The following ATXN1 variants were observed in gnomAD, a reference collection of about 807,000 sequenced individuals.
ATXN1 encodes the protein ataxin-1.
Under a neutral mutation model 56.4 loss-of-function variants are expected in ATXN1, and 8 were observed. The observed-to-expected ratio is 0.14, with a 90% CI of 0.08 to 0.26. The LOEUF (loss-of-function observed/expected upper bound fraction) is 0.26. Ranked by LOEUF, ATXN1 falls within the 10% of genes least tolerant of loss-of-function variation. The pLI is 1.00. For synonymous variants in ATXN1, 514 were observed against 494.6 expected, an observed-to-expected ratio of 1.04 and a Z score of -0.52; for missense variants, 987 against 1,106.5, an observed-to-expected ratio of 0.89 and a Z score of 1.53.
intron 2 of ATXN1, among the ~76,000 whole-genome samples, chr6:16,662,097 A>G (rs1349305883): frequency 1.3e-5 from 2 of 152,176 alleles, no homozygotes; most frequent in Non-Finnish European, 1.5e-5. Flanking sequence ...GGAGAAACTG[A>G]GCCCCAAAGA....
At chr6:16,322,358 G>A (rs1224637882) in intron 7 of ATXN1, among the ~76,000 whole-genome samples, 2 of 152,124 alleles carry the variant, frequency 1.3e-5, no homozygotes, top group Non-Finnish European at 2.9e-5. Flanking sequence ...GCACCCCTGG[G>A]TCTGTCACCA....
At chr6:16,323,947 T>C (rs1760744505) in intron 7 of ATXN1, among the ~76,000 whole-genome samples, 1 of 152,140 alleles carries the variant, frequency 6.6e-6, no homozygotes, top group Non-Finnish European at 1.5e-5. Flanking sequence ...TTTTTTTAAA[T>C]AAGATCTTTG....
At chr6:16,737,136 C>A (rs927744213) in intron 2 of ATXN1, 1 of 152,170 alleles carries the variant, frequency 6.6e-6, no homozygotes, top group Non-Finnish European at 1.5e-5. Flanking sequence ...ATTTAAATAT[C>A]GTGAAATATT....
chr6:16,348,097 G>A (rs537167141), intron 6 of ATXN1, among the ~76,000 whole-genome samples: 8 of 152,282 alleles, frequency 5.3e-5, no homozygotes, highest in East Asian at 1.9e-4. Context: ...AAGTCAGTGA[G>A]ACCAAGAACG....
In ATXN1 at chr6:16,326,493, G is replaced by A. The variant is rs137924776; in HGVS notation, c.1818C>T (p.Asn606=). ...CGGTGCTGGAGTCGATCTTCAGGTCGTTGCTTATCTCTGCACTCTGGATGA... is the reference window on the plus strand; with the variant it reads ...CGGTGCTGGAGTCGATCTTCAGGTCATTGCTTATCTCTGCACTCTGGATGA... ...EDFIQSAEIS[N]DLKIDSSTVE... The change falls in exon 7 of 8, where the codon AAC becomes AAT. Residue 606 remains asparagine (N), a synonymous_variant. Transcript: ENST00000436367. The surrounding 1 kb of genome is among the most constrained non-coding windows in gnomAD (Gnocchi z 6.6). The A allele has an allele frequency of 4.4e-5, 71 of 1,614,148 alleles. No individual in the cohort carries two copies. Among genetic ancestry groups the A allele is most frequent in the Admixed American group, 1.3e-4 (8 of 60,018 alleles).
intron 6 of ATXN1, among the ~76,000 whole-genome samples, chr6:16,411,727 G>C (rs995264548): frequency 6.6e-6 from 1 of 152,178 alleles, no homozygotes; most frequent in Non-Finnish European, 1.5e-5. Context: ...TATGGATGTG[G>C]CTGGCTCACA....
intron 3 of ATXN1, among the ~76,000 whole-genome samples, chr6:16,656,303 T>A (rs1758200467): frequency 6.6e-6 from 1 of 152,130 alleles, no homozygotes; most frequent in Admixed American, 6.5e-5. Context: ...GGATAATTAT[T>A]TAATTCATTG....
intron 3 of ATXN1, among the ~76,000 whole-genome samples, chr6:16,655,784 C>A (rs1269271197): frequency 6.6e-6 from 1 of 151,198 alleles, no homozygotes; most frequent in Non-Finnish European, 1.5e-5. Flanking sequence ...TTTAATGTTG[C>A]AAGGGAATAA....
chr6:16,732,026 T>C (rs903023619), intron 2 of ATXN1, among the ~76,000 whole-genome samples: 4 of 152,220 alleles, frequency 2.6e-5, no homozygotes, highest in Admixed American at 6.5e-5. Flanking sequence ...TCATGCTACA[T>C]TTGCCAAGAC....
intron 7 of ATXN1, among the ~76,000 whole-genome samples, chr6:16,319,914 A>G (rs1251346087): frequency 2.0e-5 from 3 of 151,426 alleles, no homozygotes; most frequent in Non-Finnish European, 2.9e-5. Context: ...GGTTTGACAT[A>G]GTTTCTCTGT....
At chr6:16,517,811 G>A (rs911326494) in intron 5 of ATXN1, among the ~76,000 whole-genome samples, 3 of 152,144 alleles carry the variant, frequency 2.0e-5, no homozygotes, top group Non-Finnish European at 4.4e-5. Flanking sequence ...ACTGCCAACT[G>A]ATGAGCTACA....
At chr6:16,731,439 C>CT (rs201673319) in intron 2 of ATXN1, among the ~76,000 whole-genome samples, 10 of 84,976 alleles carry the variant, frequency 1.2e-4, no homozygotes, top group African/African-American at 1.6e-4. Flanking sequence ...ACGAGAGAGG[C>CT]TTTTTTTTTC....
intron 5 of ATXN1, among the ~76,000 whole-genome samples, chr6:16,519,431 C>A (rs1159829853): frequency 3.3e-5 from 5 of 152,140 alleles, no homozygotes; most frequent in Admixed American, 6.5e-5. Context: ...AGAGAAACTG[C>A]AATTAGAAAC....
intron 4 of ATXN1, among the ~76,000 whole-genome samples, chr6:16,574,793 G>T (rs962485623): frequency 1.3e-5 from 2 of 150,308 alleles, no homozygotes; most frequent in African/African-American, 4.9e-5. Flanking sequence ...GGGTGTATTA[G>T]GATTTCACCA....
chr6:16,726,676 C>A (rs1581397362), intron 2 of ATXN1, among the ~76,000 whole-genome samples: 1 of 151,928 alleles, frequency 6.6e-6, no homozygotes, highest in East Asian at 1.9e-4. Context: ...ACTAGCCTGG[C>A]CAACACGGTG....
At chr6:16,454,773 C>T (rs1043224737) in intron 6 of ATXN1, among the ~76,000 whole-genome samples, 3 of 152,122 alleles carry the variant, frequency 2.0e-5, no homozygotes, top group Non-Finnish European at 1.5e-5. Flanking sequence ...TTAAAATATG[C>T]TATTAAATTA....
At chr6:16,504,517 T>A (rs1235963719) in intron 5 of ATXN1, among the ~76,000 whole-genome samples, 1 of 152,120 alleles carries the variant, frequency 6.6e-6, no homozygotes, top group Non-Finnish European at 1.5e-5. Context: ...ACTACAGAAA[T>A]CAAAGAAAAC....
At chr6:16,500,496 T>G (rs906216919) in intron 5 of ATXN1, among the ~76,000 whole-genome samples, 1 of 152,156 alleles carries the variant, frequency 6.6e-6, no homozygotes, top group East Asian at 1.9e-4. Flanking sequence ...CTGAAGAGAA[T>G]AGCAGGCACT....
chr6:16,541,796 G>A (rs975376573), intron 4 of ATXN1, among the ~76,000 whole-genome samples: 1 of 152,158 alleles, frequency 6.6e-6, no homozygotes, highest in Non-Finnish European at 1.5e-5. Flanking sequence ...CTCATTTAAT[G>A]AACACGGAAA....
Sources: gnomAD v4.1 joint callset for allele counts (sites outside exome capture counted in the v4.1 genomes callset) on GRCh38, gnomAD v4.1.1 for gene constraint, Gnocchi (gnomAD v3.1) non-coding constraint, MANE v1.5 for transcripts, NCBI Gene and HGNC (gene_info 2026-07-23, HGNC 2026-07-21) for gene names.